The following NXPH2 variants were observed in gnomAD, a reference collection of about 807,000 sequenced individuals.
The protein encoded by NXPH2 is neurexophilin-2.
Under a neutral mutation model 19.8 loss-of-function variants are expected in NXPH2, and 5 were observed. That is an observed-to-expected ratio of 0.25 (90% confidence interval 0.13 to 0.53). The LOEUF (loss-of-function observed/expected upper bound fraction) is 0.53. Among genes scored for constraint, NXPH2 ranks in the 20% least tolerant of loss-of-function variants. The probability of loss-of-function intolerance (pLI) is 0.96; values close to 1 mark genes in which losing one functional copy is unlikely to be tolerated. For missense variants in NXPH2, 289 were observed against 322.8 expected (o/e 0.90, Z 0.80); for synonymous variants, 154 against 127.4 (o/e 1.21, Z -1.41).
chr2:138,775,465 T>C (rs1473211156), intron 1 of NXPH2, among the ~76,000 whole-genome samples: 2 of 152,114 alleles, frequency 1.3e-5, no homozygotes, highest in African/African-American at 4.8e-5. Flanking sequence ...ATCAATACCA[T>C]TAATCAAATC....
At chr2:138,732,474 C>T (rs924663870) in intron 1 of NXPH2, among the ~76,000 whole-genome samples, 11 of 152,142 alleles carry the variant, frequency 7.2e-5, no homozygotes, top group African/African-American at 2.7e-4. Flanking sequence ...AGATGATCTC[C>T]TCTGAAATCT....
Position 138,741,180 on chromosome 2 carries a change from T to G in NXPH2, c.51+39011A>C, listed in dbSNP as rs572110046. ...TCAACTTGGCCTGATTCTCTACGAATGCTGTTGACTTTTCAGCTTTGTTGA... is the reference window on the plus strand; with the variant it reads ...TCAACTTGGCCTGATTCTCTACGAAGGCTGTTGACTTTTCAGCTTTGTTGA... On this transcript the variant is annotated intron_variant, in intron 1 of 1. Transcript: ENST00000272641. 3.8e-3 allele frequency among the ~76,000 whole-genome samples: 579 copies of G among 152,322 alleles called. 3 individuals carry two copies. Among genetic ancestry groups the G allele is most frequent in the Non-Finnish European group, 5.1e-3 (346 of 68,022 alleles).
chr2:138,731,478 T>G lies in NXPH2; in HGVS notation c.51+48713A>C, dbSNP rs921571942. ...CATAGTGGCAACTCACAGATAATCC[T>G]CTGTTTGTCATCATCTCTCTGGGCT... On this transcript the variant is annotated intron_variant, in intron 1 of 1. Coordinates refer to ENST00000272641, the MANE Select transcript of NXPH2 (RefSeq NM_007226.3). Among the ~76,000 whole-genome samples the G allele has an allele frequency of 8.5e-5, 13 of 152,108 alleles. No individual in the cohort carries two copies. In the East Asian group the frequency reaches 2.1e-3, roughly 25 times the overall value.
chr2:138,679,378 C>T (rs1316891176), intron 1 of NXPH2, among the ~76,000 whole-genome samples: 1 of 150,220 alleles, frequency 6.7e-6, no homozygotes, highest in Non-Finnish European at 1.5e-5. Flanking sequence ...TACGTGGCAG[C>T]GGGGGAGTAG....
rs1445132318 is a variant in NXPH2, at chr2:138,772,598, A to T, written c.51+7593T>A. 3.9e-5 allele frequency among the ~76,000 whole-genome samples: 6 copies of T among 152,326 alleles called. No individual in the cohort carries two copies. The East Asian group carries it at 1.2e-3, about 29-fold the overall frequency. On this transcript the variant is annotated intron_variant, in intron 1 of 1. Coordinates refer to ENST00000272641, the MANE Select transcript of NXPH2 (RefSeq NM_007226.3). ...AGGGGTGAGCCACCGCGCCCGGCCC[A>T]TGAGGTTAAATTCTAAATAGAACTC...
chr2:138,696,673 C>T (rs1254865387), intron 1 of NXPH2, among the ~76,000 whole-genome samples: 1 of 152,094 alleles, frequency 6.6e-6, no homozygotes, highest in East Asian at 1.9e-4. Flanking sequence ...TAAAAAGCAA[C>T]TTTGGAAGGC....
chr2:138,710,699 C>G (rs955996785), intron 1 of NXPH2, among the ~76,000 whole-genome samples: 1 of 152,150 alleles, frequency 6.6e-6, no homozygotes, highest in Admixed American at 6.5e-5. Context: ...ACTCTCAGGC[C>G]TACAGTTCTC....
chr2:138,771,577 C>T (rs1218099727), intron 1 of NXPH2, among the ~76,000 whole-genome samples: 4 of 152,044 alleles, frequency 2.6e-5, no homozygotes, highest in Admixed American at 6.6e-5. Flanking sequence ...GAAGCACTTC[C>T]GGGGAAGCCT....
In NXPH2 at chr2:138,721,151, C is replaced by G. The variant is rs376262559; in HGVS notation, c.52-49486G>C. Among the ~76,000 whole-genome samples the G allele has an allele frequency of 2.2e-4, 34 of 152,094 alleles. No homozygotes were observed. In the East Asian group the frequency reaches 3.7e-3, roughly 16 times the overall value. Reference sequence around the variant, plus strand: ...GGTCAGGAGTTCGAGACCATCCTGACCAAAATGGTGAAACCCCCATCTCTA... The same window carrying G: ...GGTCAGGAGTTCGAGACCATCCTGAGCAAAATGGTGAAACCCCCATCTCTA... On this transcript the variant is annotated intron_variant, in intron 1 of 1. Coordinates refer to ENST00000272641, the MANE Select transcript of NXPH2 (RefSeq NM_007226.3).
At chr2:138,689,344 G>A (rs1335011157) in intron 1 of NXPH2, among the ~76,000 whole-genome samples, 1 of 152,160 alleles carries the variant, frequency 6.6e-6, no homozygotes, top group East Asian at 1.9e-4. Context: ...GGAGGAGAGT[G>A]GTTGGGTTTG....
intron 1 of NXPH2, among the ~76,000 whole-genome samples, chr2:138,709,970 GT>G (rs1447349639): frequency 3.9e-5 from 6 of 152,120 alleles, no homozygotes; most frequent in African/African-American, 1.4e-4. Flanking sequence ...GTACAATTCA[GT>G]GGCATTACTT....
At chr2:138,732,687 A>G (rs896081364) in intron 1 of NXPH2, among the ~76,000 whole-genome samples, 1 of 151,718 alleles carries the variant, frequency 6.6e-6, no homozygotes, top group African/African-American at 2.4e-5. Flanking sequence ...GGGTCTTTTA[A>G]ATGTTCCTCC....
intron 1 of NXPH2, among the ~76,000 whole-genome samples, chr2:138,773,351 A>G (rs1682207313): frequency 6.6e-6 from 1 of 152,182 alleles, no homozygotes; most frequent in African/African-American, 2.4e-5. Context: ...CTCCTGTTTG[A>G]ACTATCCAAG....
At chr2:138,776,524 CATTTTTTAA>C (rs1266888003) in intron 1 of NXPH2, among the ~76,000 whole-genome samples, 1 of 151,482 alleles carries the variant, frequency 6.6e-6, no homozygotes, top group East Asian at 1.9e-4. Context: ...TCTTAATTTT[CATTTTTTAA>C]AGTGTGTAAA....
At chr2:138,727,846 G>C (rs923048085) in intron 1 of NXPH2, among the ~76,000 whole-genome samples, 1 of 152,022 alleles carries the variant, frequency 6.6e-6, no homozygotes, top group Non-Finnish European at 1.5e-5. Context: ...TTATTTTCCT[G>C]AGTGTGTGTA....
intron 1 of NXPH2, among the ~76,000 whole-genome samples, chr2:138,685,707 T>G (rs1384913795): frequency 1.3e-5 from 2 of 152,184 alleles, no homozygotes; most frequent in African/African-American, 4.8e-5. Context: ...AAATGCTTAT[T>G]GCTTTCATAA....
chr2:138,744,002 CA>C lies in NXPH2; in HGVS notation c.51+36188del, dbSNP rs35072611. On this transcript the variant is annotated intron_variant, in intron 1 of 1. Transcript: ENST00000272641. Reference sequence around the variant, plus strand: ...TGAGTGATAGAGTGAGACTCCATCTCAAAAAAAAAAAAAAAAAAAAGACAGA... The same window carrying C: ...TGAGTGATAGAGTGAGACTCCATCTCAAAAAAAAAAAAAAAAAAAGACAGA... 5.4e-3 allele frequency among the ~76,000 whole-genome samples: 459 copies of C among 85,774 alleles called. 1 individual carries two copies. Among genetic ancestry groups the C allele is most frequent in the African/African-American group, 0.017 (350 of 20,772 alleles). The allele number at this position is 85,774 out of a possible 152,430, so 56.3% of individuals were successfully genotyped here.
intron 1 of NXPH2, among the ~76,000 whole-genome samples, chr2:138,707,092 G>GAAAAAAAAAAAAA (rs1242493874): frequency 8.7e-4 from 1 of 1,156 alleles, no homozygotes; most frequent in Non-Finnish European, 2.7e-3. Flanking sequence ...CTTGCCCCAT[G>GAAAAAAAAAAAAA]ACAAAAAAAA....
rs1553482875 is a variant in NXPH2 at position 138,713,597 on chromosome 2, C to CTCTG, written c.52-41933_52-41932insCAGA. Among the ~76,000 whole-genome samples, 701 of 149,618 alleles carry CTCTG rather than the reference C, an allele frequency of 4.7e-3. 3 individuals are homozygous for CTCTG. The highest frequency in any genetic ancestry group is 0.028 in the East Asian group (141 of 5,110). ...CTTAAAGTCAACTGTAGAAAACGTT[C>CTCTG]TGTGTGTGTGTGTGTGTGTGTGTGT... is the stretch of plus-strand genomic sequence containing the variant. On this transcript the variant is annotated intron_variant, in intron 1 of 1. Coordinates refer to ENST00000272641, the MANE Select transcript of NXPH2 (RefSeq NM_007226.3).
Sources: allele counts gnomAD v4.1 joint callset (sites outside exome capture counted in the v4.1 genomes callset), GRCh38; gene constraint gnomAD v4.1.1; transcripts MANE v1.5; gene names NCBI Gene and HGNC (gene_info 2026-07-23, HGNC 2026-07-21).